Variants in RARB observed in about 807,000 individuals in gnomAD.
The protein encoded by RARB is HBV-activated protein.
A neutral mutation model predicts 51.9 loss-of-function variants in RARB; 17 were observed. That is an observed-to-expected ratio of 0.33 (90% CI 0.22 to 0.49). The LOEUF is 0.49. Among genes scored for constraint, RARB ranks in the 20% least tolerant of loss-of-function variants. The probability of loss-of-function intolerance (pLI) is 0.99; values close to 1 mark genes in which losing one functional copy is unlikely to be tolerated. For synonymous variants in RARB, 215 were observed against 195.4 expected (o/e 1.10, Z -0.84); for missense variants, 369 against 550.8 (o/e 0.67, Z 3.30).
intron 3 of RARB, among the ~76,000 whole-genome samples, chr3:25,547,939 C>T (rs898439942): frequency 6.6e-6 from 1 of 152,152 alleles, no homozygotes; most frequent in South Asian, 2.1e-4. Context: ...ATAAAAACCC[C>T]TCATTTCTGT....
rs561560895 is a variant in RARB at position 25,535,298 on chromosome 3, G to A, written c.448+33975G>A. ...GGTCACTTGCTTGGAGTGATGTCAG[G>A]GCAGTATTGTCTGGTGTTTAGGGAC... On this transcript the variant is annotated intron_variant, in intron 3 of 7. Transcript: ENST00000330688. Among the ~76,000 whole-genome samples, 3 of 152,084 alleles carry A rather than the reference G, an allele frequency of 2.0e-5. No homozygotes were observed. The South Asian group carries it at 6.2e-4, about 32-fold the overall frequency.
At chr3:25,079,332 C>T (rs1041863571) in intron 3 of RARB, among the ~76,000 whole-genome samples, 2 of 152,030 alleles carry the variant, frequency 1.3e-5, no homozygotes, top group African/African-American at 4.8e-5. Context: ...GACAGTTTAC[C>T]TCTTCCTTTT....
At chr3:25,163,504 A>AAAAAAAAAAAAATATATATATATATAT (rs1303712411) in intron 4 of RARB, among the ~76,000 whole-genome samples, 2 of 131,092 alleles carry the variant, frequency 1.5e-5, no homozygotes, top group African/African-American at 6.4e-5. Context: ...CCTATCTCAA[A>AAAAAAAAAAAAATATATATATATATAT]ATATATATAT....
chr3:24,830,195 A>G (rs1208295110), intron 1 of RARB, among the ~76,000 whole-genome samples: 1 of 151,930 alleles, frequency 6.6e-6, no homozygotes, highest in Non-Finnish European at 1.5e-5. Flanking sequence ...GCTGTGTGTG[A>G]TTGTAGAGAC....
intron 2 of RARB, among the ~76,000 whole-genome samples, chr3:25,494,276 C>CACACACACACACACACACAT (rs1225872441): frequency 5.3e-4 from 77 of 144,946 alleles, no homozygotes; most frequent in Non-Finnish European, 9.5e-4. Context: ...CACACACACA[C>CACACACACACACACACACAT]ACATGCCATC....
At chr3:25,071,767 T>C (rs145628589) in intron 3 of RARB, among the ~76,000 whole-genome samples, 4 of 152,292 alleles carry the variant, frequency 2.6e-5, no homozygotes, top group Non-Finnish European at 5.9e-5. Flanking sequence ...CTGCTTAAAT[T>C]GACCTTTCAG....
chr3:25,453,978 C>G (rs1694755383), intron 1 of RARB, among the ~76,000 whole-genome samples: 1 of 152,178 alleles, frequency 6.6e-6, no homozygotes, highest in Admixed American at 6.5e-5. Context: ...TTACCTAATT[C>G]AGGATGCGAT....
intron 3 of RARB, among the ~76,000 whole-genome samples, chr3:25,538,760 A>G (rs1699245719): frequency 6.6e-6 from 1 of 152,266 alleles, no homozygotes; most frequent in Non-Finnish European, 1.5e-5. Flanking sequence ...AATCTATTGT[A>G]TAATATACAT....
At chr3:25,242,698 T>C (rs1303684796) in intron 5 of RARB, among the ~76,000 whole-genome samples, 1 of 152,192 alleles carries the variant, frequency 6.6e-6, no homozygotes, top group African/African-American at 2.4e-5. Flanking sequence ...CCATGCTGTT[T>C]TGGTTATTGT....
At position 25,221,134 on chromosome 3, in the gene RARB, G is replaced by A. The variant is rs536061968; in HGVS notation, c.178+46559G>A. ...TTTCATACAAGATACAGATATAATGGAACTAATCAAACAAGGATGTATAAA... is the reference window on the plus strand; with the variant it reads ...TTTCATACAAGATACAGATATAATGAAACTAATCAAACAAGGATGTATAAA... On this transcript the variant is annotated intron_variant, in intron 5 of 11. Coordinates refer to the RARB transcript ENST00000383772. Among the ~76,000 whole-genome samples the A allele has an allele frequency of 3.3e-5, 5 of 152,030 alleles. 1 individual carries two copies. The highest frequency in any genetic ancestry group is 1.2e-4 in the African/African-American group (5 of 41,478).
intron 5 of RARB, among the ~76,000 whole-genome samples, chr3:25,404,074 A>G (rs1307250079): frequency 6.6e-6 from 1 of 152,070 alleles, no homozygotes; most frequent in Admixed American, 6.5e-5. Context: ...TGAAAATCTT[A>G]TTTAGAAATT....
intron 5 of RARB, among the ~76,000 whole-genome samples, chr3:25,226,628 A>G (rs2125387660): frequency 6.6e-6 from 1 of 152,114 alleles, no homozygotes; most frequent in Non-Finnish European, 1.5e-5. Flanking sequence ...TTGATTTTAC[A>G]CTCAACTTGT....
rs568130652 is a variant in RARB, at chr3:25,494,482, A to T, written c.307-6700A>T. Among the ~76,000 whole-genome samples, 23 of 152,252 alleles carry T rather than the reference A, an allele frequency of 1.5e-4. 1 individual carries two copies. In the South Asian group the frequency reaches 4.4e-3, roughly 29 times the overall value. On this transcript the variant is annotated intron_variant, in intron 2 of 7. Coordinates refer to ENST00000330688, the MANE Select transcript of RARB (RefSeq NM_000965.5). The stretch of plus-strand genomic sequence containing the variant: ...TCCTAAGGCCTTTATTTGCTCAGTA[A>T]ATATTTTATGTGTCTGCAATATGTG...
At chr3:25,307,694 C>T (rs1234101693) in intron 5 of RARB, among the ~76,000 whole-genome samples, 3 of 152,130 alleles carry the variant, frequency 2.0e-5, no homozygotes, top group African/African-American at 7.2e-5. Flanking sequence ...TGAGTAGGTC[C>T]TATAACATTT....
At chr3:25,220,653 C>T (rs1701927192) in intron 5 of RARB, among the ~76,000 whole-genome samples, 1 of 152,128 alleles carries the variant, frequency 6.6e-6, no homozygotes, top group Non-Finnish European at 1.5e-5. Context: ...ACCTGCTGCC[C>T]TGTGAAGAAG....
chr3:24,914,346 T>C (rs1171108137), intron 2 of RARB, among the ~76,000 whole-genome samples: 7 of 152,118 alleles, frequency 4.6e-5, no homozygotes, highest in African/African-American at 7.2e-5. Context: ...TCAAAGCTTT[T>C]AAAGGTGGGG....
chr3:25,488,609 AC>A (rs1445647906), intron 2 of RARB, among the ~76,000 whole-genome samples: 5 of 152,198 alleles, frequency 3.3e-5, no homozygotes, highest in African/African-American at 4.8e-5. Context: ...AGCATCAGGG[AC>A]CACCATCCGT....
chr3:25,223,838 T>G (rs1701998600), intron 5 of RARB, among the ~76,000 whole-genome samples: 1 of 152,246 alleles, frequency 6.6e-6, no homozygotes, highest in Non-Finnish European at 1.5e-5. Context: ...CCGAGTATTT[T>G]AAATGCTTTT....
At chr3:25,201,064 C>G (rs556372921) in intron 5 of RARB, among the ~76,000 whole-genome samples, 33 of 152,250 alleles carry the variant, frequency 2.2e-4, no homozygotes, top group Admixed American at 1.7e-3. Flanking sequence ...TTGATTCTTC[C>G]TACCCATGAG....
Sources: gnomAD v4.1 joint callset for allele counts (sites outside exome capture counted in the v4.1 genomes callset) on GRCh38, gnomAD v4.1.1 for gene constraint, MANE v1.5 for transcripts, NCBI Gene and HGNC (gene_info 2026-07-23, HGNC 2026-07-21) for gene names.